EHD4: variants seen among roughly 807,000 people sequenced by gnomAD.
The protein encoded by EHD4 is EH domain-containing protein 4.
In EHD4, 37 loss-of-function variants were observed where a neutral mutation model predicts 51.0. That is an observed-to-expected ratio of 0.73 (90% CI 0.56 to 0.95). The LOEUF is 0.95. EHD4 is among the 40% of genes least tolerant of loss of function. The pLI, the probability that EHD4 is intolerant of heterozygous loss-of-function variation, is 0.00. For missense variants in EHD4, 632 were observed against 733.1 expected (o/e 0.86, Z 1.59); for synonymous variants, 297 against 317.3 (o/e 0.94, Z 0.68).
At chr15:41,930,827 T>C (rs757389395) in intron 3 of EHD4, among the ~76,000 whole-genome samples, 43 of 152,338 alleles carry the variant, frequency 2.8e-4, no homozygotes, top group South Asian at 1.0e-3. Context: ...CGGGGCTCCT[T>C]ATAAAAAAAT....
intron 3 of EHD4, among the ~76,000 whole-genome samples, chr15:41,929,147 T>C (rs1358482045): frequency 6.6e-6 from 1 of 152,212 alleles, no homozygotes; most frequent in Non-Finnish European, 1.5e-5. Context: ...AAGCAAGAAC[T>C]AGGCGTGTCC....
chr15:41,906,642 C>A (rs1023628790), intron 5 of EHD4, among the ~76,000 whole-genome samples: 2 of 152,178 alleles, frequency 1.3e-5, no homozygotes, highest in African/African-American at 4.8e-5. Flanking sequence ...CAGAGTGGGG[C>A]AAGAGGGTGA....
intron 3 of EHD4, chr15:41,941,580 G>T (rs1490774368): frequency 1.8e-5 from 2 of 108,916 alleles, no homozygotes; most frequent in Admixed American, 9.7e-5. Flanking sequence ...CTGTTTTTTG[G>T]TGTTTTTTTT....
intron 5 of EHD4, among the ~76,000 whole-genome samples, chr15:41,906,184 T>C (rs1041595299): frequency 2.0e-5 from 3 of 152,240 alleles, no homozygotes; most frequent in African/African-American, 7.2e-5. Context: ...TTTTCTTTGA[T>C]TGATCCTCAC....
chr15:41,942,571 C>G (rs1281086354), intron 3 of EHD4: 1 of 155,218 alleles, frequency 6.4e-6, no homozygotes, highest in African/African-American at 2.4e-5. Context: ...CTACAAAGCA[C>G]AGGCCTAGAA....
At chr15:41,924,577 A>T (rs1480513957) in intron 3 of EHD4, among the ~76,000 whole-genome samples, 1 of 152,192 alleles carries the variant, frequency 6.6e-6, no homozygotes, top group Non-Finnish European at 1.5e-5. Flanking sequence ...TGCCTGGCAT[A>T]CAGGGGGGAT....
At position 41,917,096 on chromosome 15, in the gene EHD4, CTTATTTATTTAT is replaced by C. The variant is rs56087855; in HGVS notation, c.924+2102_924+2113del. Among the ~76,000 whole-genome samples, 1,322 of 141,876 alleles carry C rather than the reference CTTATTTATTTAT, an allele frequency of 9.3e-3. 22 individuals are homozygous for C. The highest frequency in any genetic ancestry group is 0.028 in the African/African-American group (1,070 of 38,296). 93.1% of individuals were successfully genotyped at this position (141,876 alleles called of 152,430 possible). A position where few individuals can be genotyped will look rare whatever the true frequency, so the allele number is the denominator to read the frequency against. On this transcript the variant is annotated intron_variant, in intron 4 of 5. Transcript: ENST00000220325. ...GGCATTTCCAGCGAGCTTTCTGCTCCTTATTTATTTATTTATTTATTTATTTATTTATTTATT... is the reference window on the plus strand; with the variant it reads ...GGCATTTCCAGCGAGCTTTCTGCTCCTTATTTATTTATTTATTTATTTATT...
chr15:41,919,570 G>A lies in EHD4; in HGVS notation c.564C>T (p.Ile188=), dbSNP rs2067610407. 13 of 1,522,420 alleles carry A rather than the reference G, an allele frequency of 8.5e-6. No individual in the cohort carries two copies. The highest frequency in any genetic ancestry group is 1.1e-5 in the Non-Finnish European group (13 of 1,136,990). 94.3% of individuals were successfully genotyped at this position (1,522,420 alleles called of 1,614,324 possible). ...LQWFAERVDR[I]ILLFDAHKLD... ...GCTTGTGAGCGTCAAAGAGCAGGAT[G>A]ATCCTGTCCACCCTCTCGGCAAACC... The change falls in exon 4 of 6, where the codon ATC becomes ATT. Residue 188 remains isoleucine, a synonymous_variant. Transcript: ENST00000220325.
intron 1 of EHD4, among the ~76,000 whole-genome samples, chr15:41,963,337 G>A (rs1566828065): frequency 6.7e-6 from 1 of 149,424 alleles, no homozygotes; most frequent in African/African-American, 2.5e-5. Context: ...GGTGGCTCAC[G>A]CCTGTAATCC....
intron 3 of EHD4, among the ~76,000 whole-genome samples, chr15:41,941,236 G>C (rs933566941): frequency 1.3e-5 from 2 of 152,104 alleles, no homozygotes; most frequent in Non-Finnish European, 2.9e-5. Flanking sequence ...TCAGCAAAAT[G>C]AACTATATTA....
At chr15:41,925,305 G>T (rs1045544971) in intron 3 of EHD4, among the ~76,000 whole-genome samples, 11 of 152,204 alleles carry the variant, frequency 7.2e-5, no homozygotes, top group African/African-American at 2.7e-4. Flanking sequence ...AGCTTTAGAA[G>T]AAATCGGCCT....
chr15:41,922,529 C>CT (rs772249204), intron 3 of EHD4, among the ~76,000 whole-genome samples: 1 of 152,256 alleles, frequency 6.6e-6, no homozygotes, highest in Non-Finnish European at 1.5e-5. Context: ...CTGCTGCTAG[C>CT]TGCGCTCGCG....
intron 2 of EHD4, among the ~76,000 whole-genome samples, chr15:41,943,413 C>A (rs534741081): frequency 4.9e-4 from 74 of 152,302 alleles, no homozygotes; most frequent in Admixed American, 6.5e-4. Flanking sequence ...TGCACAAGCA[C>A]CTGCTGCCAT....
At chr15:41,931,969 C>G (rs939907976) in intron 3 of EHD4, among the ~76,000 whole-genome samples, 1 of 152,132 alleles carries the variant, frequency 6.6e-6, no homozygotes, top group Admixed American at 6.5e-5. Flanking sequence ...GCCGCCGCGC[C>G]CAGCCAGCAA....
Position 41,897,135 on chromosome 15 carries a change from T to A in EHD4, c.*3510A>T, listed in dbSNP as rs192617080. 6.6e-6 allele frequency: 1 copy of A among 152,254 alleles called. No homozygotes were observed. Among genetic ancestry groups the A allele is most frequent in the Non-Finnish European group, 1.5e-5 (1 of 68,042 alleles). The allele number at this position is 152,254 out of a possible 1,614,324, so 9.4% of individuals were successfully genotyped here. A position where few individuals can be genotyped will look rare whatever the true frequency, so the allele number is the denominator to read the frequency against. On this transcript the variant is annotated 3_prime_UTR_variant, in exon 6 of 6. Transcript: ENST00000220325. Reference sequence around the variant, plus strand: ...TATTAACTGCATTGGTTAACCAACATTGGAACCCAATACTCTTGTATTAGG... The same window carrying A: ...TATTAACTGCATTGGTTAACCAACAATGGAACCCAATACTCTTGTATTAGG...
At chr15:41,937,301 T>C (rs112765840) in intron 3 of EHD4, among the ~76,000 whole-genome samples, 23 of 152,280 alleles carry the variant, frequency 1.5e-4, no homozygotes, top group African/African-American at 5.3e-4. Context: ...TCTCTCTCTG[T>C]TCTTTCATAC....
chr15:41,955,109 C>T (rs1342558300), intron 1 of EHD4, among the ~76,000 whole-genome samples: 1 of 152,224 alleles, frequency 6.6e-6, no homozygotes, highest in East Asian at 1.9e-4. Flanking sequence ...TATCTTTTAT[C>T]TCTAAATTTA....
At chr15:41,966,756 C>A (rs72726034) in intron 1 of EHD4, among the ~76,000 whole-genome samples, 14,588 of 152,204 alleles carry the variant, frequency 0.096, 839 homozygotes, top group South Asian at 0.26. Context: ...GGAAAACGTT[C>A]TTATCTTTTT....
intron 5 of EHD4, among the ~76,000 whole-genome samples, chr15:41,902,985 T>G (rs1201156782): frequency 2.0e-5 from 3 of 151,550 alleles, no homozygotes; most frequent in African/African-American, 7.3e-5. Flanking sequence ...AAACACTTGT[T>G]TATTGCAAGA....
Sources: gnomAD v4.1 joint callset for allele counts (sites outside exome capture counted in the v4.1 genomes callset) on GRCh38, gnomAD v4.1.1 for gene constraint, MANE v1.5 for transcripts, NCBI Gene and HGNC (gene_info 2026-07-23, HGNC 2026-07-21) for gene names.